Variants in FMNL1 observed in about 807,000 individuals in gnomAD.
FMNL1 encodes formin-like protein 1.
FMNL1 carries 43 observed loss-of-function variants against 121.3 expected under a neutral mutation model. The observed-to-expected ratio is 0.35, with a 90% CI of 0.28 to 0.46. The LOEUF (loss-of-function observed/expected upper bound fraction) is 0.46. FMNL1 is among the 20% of genes least tolerant of loss of function. The pLI, the probability that FMNL1 is intolerant of heterozygous loss-of-function variation, is 1.00. For missense variants in FMNL1, 1,191 were observed against 1,482.4 expected (o/e 0.80, Z 3.23); for synonymous variants, 613 against 613.5 (o/e 1.00, Z 0.01).
Position 45,247,057 on chromosome 17 carries a change from C to A in FMNL1, c.*199C>A. On this transcript the variant is annotated 3_prime_UTR_variant, in exon 27 of 27. Coordinates refer to ENST00000331495, the MANE Select transcript of FMNL1 (RefSeq NM_005892.4). ...GAAGGTGGTCCTCAGCTCGGCTGGC[C>A]GGGCAGCCCCTCCTCCGCTGTGGCC... 1.6e-6 allele frequency: 1 copy of A among 631,832 alleles called. No homozygotes were observed. The highest frequency in any genetic ancestry group is 2.9e-6 in the Non-Finnish European group (1 of 343,122). The allele number at this position is 631,832 out of a possible 1,614,324, so 39.1% of individuals were successfully genotyped here. A position where few individuals can be genotyped will look rare whatever the true frequency, so the allele number is the denominator to read the frequency against.
chr17:45,240,641 G>A lies in FMNL1; in HGVS notation c.1230+16G>A, dbSNP rs1206906857. The A allele has an allele frequency of 1.2e-6, 2 of 1,610,010 alleles. No individual in the cohort carries two copies. Among genetic ancestry groups the A allele is most frequent in the Non-Finnish European group, 1.7e-6 (2 of 1,178,364 alleles). On this transcript the variant is annotated intron_variant, in intron 12 of 26. Coordinates refer to ENST00000331495, the MANE Select transcript of FMNL1 (RefSeq NM_005892.4). The stretch of plus-strand genomic sequence containing the variant: ...AGTGGCGCTGGTGAGAGTGGGTCCT[G>A]ACCCCAGCCCAGCACATCATAGGCC...
chr17:45,242,969 T>A (rs978024882), intron 16 of FMNL1, 149 bp from the exon 17 acceptor site: 9 of 828,346 alleles, frequency 1.1e-5, no homozygotes, highest in African/African-American at 1.7e-5. Context: ...CCCCTGTGCC[T>A]CCCATCAGGG....
chr17:45,232,343 G>A, intron 2 of FMNL1, 24 bp from the exon 3 acceptor site: 1 of 1,610,468 alleles, frequency 6.2e-7, no homozygotes, highest in Non-Finnish European at 8.5e-7. Context: ...CTGGTTTTCT[G>A]TACACCCCAT....
At chr17:45,243,475 A>G (rs1401659816) in intron 17 of FMNL1, among the ~76,000 whole-genome samples, 155 bp downstream of exon 17, 2 of 152,162 alleles carry the variant, frequency 1.3e-5, no homozygotes, top group East Asian at 1.9e-4. Flanking sequence ...TTTAAGGTGG[A>G]GAAAACTCAG....
At chr17:45,227,071 G>A (rs1159662791) in intron 1 of FMNL1, among the ~76,000 whole-genome samples, 1 of 152,154 alleles carries the variant, frequency 6.6e-6, no homozygotes, top group African/African-American at 2.4e-5. Flanking sequence ...GAGATGGATG[G>A]GGGAGTGGGG....
At chr17:45,226,819 G>A (rs919507693) in intron 1 of FMNL1, among the ~76,000 whole-genome samples, 7 of 152,112 alleles carry the variant, frequency 4.6e-5, no homozygotes, top group East Asian at 1.9e-4. Flanking sequence ...GCTTGCCCTT[G>A]TCCCAGCTGT....
In FMNL1 at chr17:45,241,398, C is replaced by T; in HGVS notation, c.1349C>T (p.Ser450Leu). ...GGTTCGTAGGAGCGCTTCAGCGAAT[C>T]GACCGCCATGGGGCCCTCCAGGCGT... ...LETLRERFSE[S>L]TAMGPSRRPP... is the part of the protein sequence containing the mutation. The change falls in exon 14 of 27, where the codon TCG becomes TTG. Residue 450 changes from serine to leucine, a missense_variant. Coordinates refer to ENST00000331495, the MANE Select transcript of FMNL1 (RefSeq NM_005892.4). This position sits in a 1 kb window ranked among gnomAD's most constrained non-coding sequence, Gnocchi z 7.0. 1 of 1,567,322 alleles carries T rather than the reference C, an allele frequency of 6.4e-7. No homozygotes were observed.
rs140175500 is a variant in FMNL1 at position 45,245,700 on chromosome 17, C to T, written c.2961C>T (p.Phe987=). ...AGACCACATCCCCAGGCCTGTTCTT[C>T]TCCCTCTTTAGCCGCTTCATTAAGG... ...NPKTTSPGLF[F]SLFSRFIKAY... Residue 987 remains phenylalanine (F), a synonymous_variant, in exon 23 of 27, where the codon TTC becomes TTT. Transcript: ENST00000331495. The T allele has an allele frequency of 3.1e-6, 5 of 1,614,106 alleles. No homozygotes were observed. Among genetic ancestry groups the T allele is most frequent in the Non-Finnish European group, 4.2e-6 (5 of 1,179,976 alleles).
chr17:45,227,472 T>TG (rs1235340323), intron 1 of FMNL1, among the ~76,000 whole-genome samples: 1 of 152,032 alleles, frequency 6.6e-6, no homozygotes, highest in African/African-American at 2.4e-5. Context: ...TAGAAAGATG[T>TG]GGGGAATCAG....
At chr17:45,244,514 A>G (rs1041119656) in intron 19 of FMNL1, among the ~76,000 whole-genome samples, 11 of 152,196 alleles carry the variant, frequency 7.2e-5, no homozygotes, top group Admixed American at 5.9e-4. Context: ...CCCGGGAACC[A>G]GTAGAAATGG....
At chr17:45,224,646 G>T (rs908477217) in intron 1 of FMNL1, among the ~76,000 whole-genome samples, 1 of 152,206 alleles carries the variant, frequency 6.6e-6, no homozygotes, top group Non-Finnish European at 1.5e-5. Context: ...TGGGTGAGGG[G>T]TGTCCCCACT....
At chr17:45,244,394 T>C (rs781113888) in intron 19 of FMNL1, 150 bp downstream of exon 19, 73 of 1,061,742 alleles carry the variant, frequency 6.9e-5, no homozygotes, top group Non-Finnish European at 9.6e-5. Context: ...TGGTGGCGAG[T>C]GGGAAGGGGT....
Position 45,246,949 on chromosome 17 carries a change from C to G in FMNL1, c.*91C>G. On this transcript the variant is annotated 3_prime_UTR_variant, in exon 27 of 27. Coordinates refer to ENST00000331495, the MANE Select transcript of FMNL1 (RefSeq NM_005892.4). The stretch of plus-strand genomic sequence containing the variant: ...GTCCCCCGGGCCCCCCACTGCAGGT[C>G]ACCTCCGACCTCTCGCTGTAGCCGC... The G allele has an allele frequency of 1.3e-6, 1 of 754,304 alleles. No homozygotes were observed. 46.7% of individuals were successfully genotyped at this position (754,304 alleles called of 1,614,324 possible).
At chr17:45,244,722 G>C in intron 19 of FMNL1, 97 bp from the exon 20 acceptor site, 1 of 1,289,630 alleles carries the variant, frequency 7.8e-7, no homozygotes. Context: ...AGTGTGTGGG[G>C]CCTGCTCCTT....
intron 6 of FMNL1, among the ~76,000 whole-genome samples, chr17:45,235,476 G>T (rs1249143957): frequency 6.6e-6 from 1 of 152,226 alleles, no homozygotes; most frequent in African/African-American, 2.4e-5. Context: ...GGCAGGAGGG[G>T]GTGAAGGCGG....
At chr17:45,245,444 G>T in intron 22 of FMNL1, 28 bp downstream of exon 22, 2 of 1,613,912 alleles carry the variant, frequency 1.2e-6, no homozygotes, top group Non-Finnish European at 1.7e-6. Context: ...TCACCTGGAG[G>T]TGGGGCATGT....
chr17:45,238,406 G>A, intron 9 of FMNL1, 158 bp from the exon 10 acceptor site: 2 of 675,202 alleles, frequency 3.0e-6, no homozygotes, highest in Non-Finnish European at 5.1e-6. Flanking sequence ...GAGGGAGAGT[G>A]GGAGATTGAG....
rs753232444 is a variant in FMNL1, at chr17:45,233,746, C to T, written c.485+15C>T. 1 of 1,613,670 alleles carries T rather than the reference C, an allele frequency of 6.2e-7. No individual in the cohort carries two copies. The highest frequency in any genetic ancestry group is 8.5e-7 in the Non-Finnish European group (1 of 1,179,884). On this transcript the variant is annotated intron_variant, in intron 5 of 26. Coordinates refer to ENST00000331495, the MANE Select transcript of FMNL1 (RefSeq NM_005892.4). This position sits in a 1 kb window ranked among gnomAD's most constrained non-coding sequence, Gnocchi z 4.1. ...TGCTCTGTCACGTAAGCCCCCTGCT[C>T]CCAGCCCTCATGCCGCTCCTCAGAG...
intron 2 of FMNL1, among the ~76,000 whole-genome samples, chr17:45,232,011 A>T (rs544376876): frequency 6.6e-6 from 1 of 152,198 alleles, no homozygotes; most frequent in South Asian, 2.1e-4. Flanking sequence ...AGGGGTTTTT[A>T]AAGTGGCCCG....
Sources: allele counts gnomAD v4.1 joint callset (sites outside exome capture counted in the v4.1 genomes callset), GRCh38; gene constraint gnomAD v4.1.1; non-coding constraint Gnocchi (gnomAD v3.1); transcripts MANE v1.5; gene names NCBI Gene and HGNC (gene_info 2026-07-23, HGNC 2026-07-21).